LAT2: variants seen among roughly 807,000 people sequenced by gnomAD.
The protein encoded by LAT2 is linker for activation of T cells family member 2.
A neutral mutation model predicts 43.4 loss-of-function variants in LAT2; 23 were observed. The ratio of observed to expected loss-of-function variants is 0.53; its 90% CI spans 0.38 to 0.75. LAT2 has a LOEUF of 0.75. Ranked by LOEUF, LAT2 falls within the 30% of genes least tolerant of loss-of-function variation. The probability of loss-of-function intolerance (pLI) is 0.00; values close to 1 mark genes in which losing one functional copy is unlikely to be tolerated. For synonymous variants in LAT2, 128 were observed against 123.2 expected, an observed-to-expected ratio of 1.04 and a Z score of -0.26; for missense variants, 284 against 310.2, an observed-to-expected ratio of 0.92 and a Z score of 0.64.
intron 1 of LAT2, among the ~76,000 whole-genome samples, 198 bp downstream of exon 1, chr7:74,210,286 G>A (rs1245504990): frequency 2.0e-5 from 3 of 152,140 alleles, no homozygotes; most frequent in East Asian, 1.9e-4. Flanking sequence ...TCTTGCCCTC[G>A]CCTTCCCCTG....
intron 13 of LAT2, among the ~76,000 whole-genome samples, chr7:74,227,395 T>G (rs1563978878): frequency 1.3e-5 from 2 of 151,988 alleles, no homozygotes; most frequent in Non-Finnish European, 2.9e-5. Context: ...AATTTTTGTA[T>G]TTTTAGTAGA....
chr7:74,218,445 A>G lies in LAT2; in HGVS notation c.135-1299A>G, dbSNP rs987817238. 2.6e-5 allele frequency among the ~76,000 whole-genome samples: 4 copies of G among 152,246 alleles called. No homozygotes were observed. In the East Asian group the frequency reaches 7.7e-4, roughly 29 times the overall value. ...TGAGCTAATCCACTCCATTATCTGT[A>G]ATGGCAGCTTCCATTTTCAAGAGCA... On this transcript the variant is annotated intron_variant, in intron 4 of 13. Transcript: ENST00000460943.
At chr7:74,213,717 C>T (rs1404520531) in intron 1 of LAT2, among the ~76,000 whole-genome samples, 1 of 152,132 alleles carries the variant, frequency 6.6e-6, no homozygotes, top group Non-Finnish European at 1.5e-5. Flanking sequence ...GCCACCACGC[C>T]CTGCTGGAGC....
chr7:74,214,774 T>TAA (rs1554713974), intron 1 of LAT2, 48 bp from the exon 2 acceptor site: 1 of 20,870 alleles, frequency 4.8e-5, no homozygotes, highest in Non-Finnish European at 8.5e-5. Context: ...CATATATATA[T>TAA]AAATATATAT....
rs781806954 is a variant in LAT2 at position 74,219,009 on chromosome 7, C to CTTTTTTTTTTTTTTT, written c.135-711_135-697dup. Among the ~76,000 whole-genome samples, 3 of 48,746 alleles carry CTTTTTTTTTTTTTTT rather than the reference C, an allele frequency of 6.2e-5. 1 individual carries two copies. Among genetic ancestry groups the CTTTTTTTTTTTTTTT allele is most frequent in the African/African-American group, 2.2e-4 (3 of 13,882 alleles). 32.0% of individuals were successfully genotyped at this position (48,746 alleles called of 152,430 possible). A position where few individuals can be genotyped will look rare whatever the true frequency, so the allele number is the denominator to read the frequency against. On this transcript the variant is annotated intron_variant, in intron 4 of 13. Coordinates refer to ENST00000460943, the MANE Select transcript of LAT2 (RefSeq NM_032464.3). Reference sequence around the variant, plus strand: ...CACCATGCCGGGTCTAGAGTGTGTGCTTTTTTTTTTTTTTTTTTTTTTTTT... The same window carrying CTTTTTTTTTTTTTTT: ...CACCATGCCGGGTCTAGAGTGTGTGCTTTTTTTTTTTTTTTTTTTTTTTTTTTTTTTTTTTTTTTT...
chr7:74,228,165 TAAAAAAAAA>T (rs34339569), intron 13 of LAT2, among the ~76,000 whole-genome samples: 4 of 22,428 alleles, frequency 1.8e-4, no homozygotes, highest in East Asian at 4.0e-3. Flanking sequence ...AACTACGTCT[TAAAAAAAAA>T]AAAAAAAAAA....
At chr7:74,228,433 G>A (rs1267088113) in intron 13 of LAT2, among the ~76,000 whole-genome samples, 23 of 147,424 alleles carry the variant, frequency 1.6e-4, no homozygotes, top group African/African-American at 5.3e-4. Context: ...CCGAGATCAC[G>A]CCACTGCACT....
rs1554714979 is a variant in LAT2, at chr7:74,220,305, AGACAGGCGAAAACCCCATGG to A, written c.265+60_265+79del. Reference sequence around the variant, plus strand: ...GACAGGCCTAGCCAAGCTGGGACTAAGACAGGCGAAAACCCCATGGGACAGGCGTCGTGCAGTGGGGGCTG... The same window carrying A: ...GACAGGCCTAGCCAAGCTGGGACTAAGACAGGCGTCGTGCAGTGGGGGCTG... On this transcript the variant is annotated intron_variant, in intron 7 of 13. Coordinates refer to ENST00000460943, the MANE Select transcript of LAT2 (RefSeq NM_032464.3). The surrounding 1 kb of genome is among the most constrained non-coding windows in gnomAD (Gnocchi z 4.5). The A allele has an allele frequency of 6.3e-7, 1 of 1,577,302 alleles. No individual in the cohort carries two copies. The highest frequency in any genetic ancestry group is 1.4e-5 in the African/African-American group (1 of 73,856).
At chr7:74,222,382 C>CA (rs1802320111) in intron 10 of LAT2, among the ~76,000 whole-genome samples, 1 of 148,020 alleles carries the variant, frequency 6.8e-6, no homozygotes, top group Non-Finnish European at 1.5e-5. Flanking sequence ...GCCTGGGCAA[C>CA]AGAGTGAGAC....
rs782702754 is a variant in LAT2 at position 74,220,697 on chromosome 7, C to T, written c.302-7C>T. Reference sequence around the variant, plus strand: ...GGCTCAGGCCCAATTCTCGCCTCCTCCCGCAGGAAGCAGACACGGGTCGGA... The same window carrying T: ...GGCTCAGGCCCAATTCTCGCCTCCTTCCGCAGGAAGCAGACACGGGTCGGA... On this transcript the variant is annotated splice_polypyrimidine_tract_variant and splice_region_variant and intron_variant, in intron 8 of 13. Transcript: ENST00000460943. This position sits in a 1 kb window ranked among gnomAD's most constrained non-coding sequence, Gnocchi z 4.5. 7.5e-6 allele frequency: 12 copies of T among 1,609,246 alleles called. No homozygotes were observed. The highest frequency in any genetic ancestry group is 1.0e-5 in the Non-Finnish European group (12 of 1,176,180).
intron 12 of LAT2, 140 bp from the exon 13 acceptor site, chr7:74,224,495 GGACA>G (rs782130331): frequency 1.2e-4 from 89 of 732,134 alleles, no homozygotes; most frequent in Non-Finnish European, 1.9e-4. Context: ...CCCAGAGACA[GGACA>G]GACACACACC....
Position 74,220,140 on chromosome 7 carries a change from G to A in LAT2, c.228-77G>A. On this transcript the variant is annotated intron_variant, in intron 6 of 13. Transcript: ENST00000460943. This position sits in a 1 kb window ranked among gnomAD's most constrained non-coding sequence, Gnocchi z 4.5. The stretch of plus-strand genomic sequence containing the variant: ...GGCTCAGCTATGAAGGCCCCACAAG[G>A]GGTATGGGGGGATGTGTCCTGGGGG... The A allele has an allele frequency of 1.3e-6, 2 of 1,558,538 alleles. No individual in the cohort carries two copies. The highest frequency in any genetic ancestry group is 1.2e-5 in the South Asian group (1 of 85,246).
Position 74,220,549 on chromosome 7 carries a change from A to G in LAT2, c.266-35A>G, listed in dbSNP as rs1802227206. The G allele has an allele frequency of 1.9e-6, 3 of 1,613,646 alleles. No homozygotes were observed. The highest frequency in any genetic ancestry group is 4.5e-5 in the East Asian group (2 of 44,884). On this transcript the variant is annotated intron_variant, in intron 7 of 13. Transcript: ENST00000460943. The surrounding 1 kb of genome is among the most constrained non-coding windows in gnomAD (Gnocchi z 4.5). ...CCGAGCTGGGTGCAAAGCAGGGGCC[A>G]GGGGAGAAAGCAATTAGCTGGGTCT... is the stretch of plus-strand genomic sequence containing the variant.
At chr7:74,215,863 T>G in intron 2 of LAT2, 84 bp from the exon 3 acceptor site, 1 of 920,478 alleles carries the variant, frequency 1.1e-6, no homozygotes, top group Non-Finnish European at 1.8e-6. Flanking sequence ...TAGGCTCAGG[T>G]ATGGGGCTGT....
chr7:74,223,191 A>G (rs1309643308), intron 10 of LAT2, among the ~76,000 whole-genome samples: 1 of 152,046 alleles, frequency 6.6e-6, no homozygotes, highest in African/African-American at 2.4e-5. Context: ...CCCCCTCCAG[A>G]GTGCATATGG....
chr7:74,222,632 G>A (rs868987523), intron 10 of LAT2, among the ~76,000 whole-genome samples: 1 of 151,584 alleles, frequency 6.6e-6, no homozygotes, highest in South Asian at 2.1e-4. Context: ...TGAGTACAAT[G>A]TCACGATCTT....
chr7:74,227,783 G>A (rs555298295), intron 13 of LAT2, among the ~76,000 whole-genome samples: 1 of 152,228 alleles, frequency 6.6e-6, no homozygotes, highest in East Asian at 1.9e-4. Flanking sequence ...GAGGCGGGAG[G>A]ATAGCTTGAG....
intron 1 of LAT2, 72 bp from the exon 2 acceptor site, chr7:74,214,750 T>TATATATATAAACATATATATATAA (rs1563968609): frequency 5.2e-5 from 4 of 76,840 alleles, no homozygotes; most frequent in African/African-American, 2.6e-4. Context: ...AATATATAAA[T>TATATATATAAACATATATATATAA]ATATATATAT....
chr7:74,224,320 G>A, intron 12 of LAT2, 123 bp downstream of exon 12: 1 of 1,068,308 alleles, frequency 9.4e-7, no homozygotes, highest in South Asian at 1.4e-5. Flanking sequence ...AGTGATGCCT[G>A]GGTGCAGGAG....
Sources: allele counts gnomAD v4.1 joint callset (sites outside exome capture counted in the v4.1 genomes callset), GRCh38; gene constraint gnomAD v4.1.1; non-coding constraint Gnocchi (gnomAD v3.1); transcripts MANE v1.5; gene names NCBI Gene and HGNC (gene_info 2026-07-23, HGNC 2026-07-21).